The following COLGALT2 variants were observed in gnomAD, a reference collection of about 807,000 sequenced individuals.
The protein encoded by COLGALT2 is procollagen galactosyltransferase 2.
COLGALT2 carries 49 observed loss-of-function variants against 73.4 expected under a neutral mutation model. That is an observed-to-expected ratio of 0.67 (90% CI 0.53 to 0.85). COLGALT2 has a LOEUF of 0.85. Ranked by LOEUF, COLGALT2 falls within the 40% of genes least tolerant of loss-of-function variation. COLGALT2 has a pLI of 0.00. For missense variants in COLGALT2, 722 were observed against 790.2 expected (o/e 0.91, Z 1.03); for synonymous variants, 295 against 307.6 (o/e 0.96, Z 0.43).
At chr1:184,012,963 G>A (rs1168337966) in intron 1 of COLGALT2, among the ~76,000 whole-genome samples, 7 of 152,224 alleles carry the variant, frequency 4.6e-5, no homozygotes. Flanking sequence ...GGGCCCTCAA[G>A]AAGCTGAGCC....
chr1:183,956,265 G>A (rs1022859028), intron 6 of COLGALT2, among the ~76,000 whole-genome samples: 8 of 152,210 alleles, frequency 5.3e-5, no homozygotes, highest in African/African-American at 1.9e-4. Flanking sequence ...GGCGAATGAT[G>A]TGAAATTCTA....
chr1:183,936,557 C>CA lies in COLGALT2; in HGVS notation c.*2203dup. 9.1e-7 allele frequency: 1 copy of CA among 1,104,396 alleles called. No individual in the cohort carries two copies. The highest frequency in any genetic ancestry group is 5.2e-5 in the East Asian group (1 of 19,154). The allele number at this position is 1,104,396 out of a possible 1,614,324, so 68.4% of individuals were successfully genotyped here. A position where few individuals can be genotyped will look rare whatever the true frequency, so the allele number is the denominator to read the frequency against. ...AAATTCTCTATTAAACAAAACACCACAAAAATCAACCCAAACTTCCTTCAA... is the reference window on the plus strand; with the variant it reads ...AAATTCTCTATTAAACAAAACACCACAAAAAATCAACCCAAACTTCCTTCAA... On this transcript the variant is annotated 3_prime_UTR_variant, in exon 12 of 12. Coordinates refer to ENST00000361927, the MANE Select transcript of COLGALT2 (RefSeq NM_015101.4).
At chr1:184,034,020 C>T (rs1221442551) in intron 1 of COLGALT2, among the ~76,000 whole-genome samples, 1 of 152,172 alleles carries the variant, frequency 6.6e-6, no homozygotes, top group Non-Finnish European at 1.5e-5. Flanking sequence ...TTGCATAGAG[C>T]TTGGGAATGA....
rs115114026 is a variant in COLGALT2, at chr1:183,981,364, A to G, written c.264-2844T>C. 9.9e-3 allele frequency among the ~76,000 whole-genome samples: 1,505 copies of G among 152,276 alleles called. 24 individuals carry two copies. Among genetic ancestry groups the G allele is most frequent in the African/African-American group, 0.034 (1,417 of 41,540 alleles). ...TTTAAAATAAATTGAAAGTAAATAT[A>G]AATAAAGGCCAAGTGCGGTGGCTCA... On this transcript the variant is annotated intron_variant, in intron 1 of 11. Coordinates refer to ENST00000361927, the MANE Select transcript of COLGALT2 (RefSeq NM_015101.4).
At chr1:183,979,721 C>T (rs1671297878) in intron 1 of COLGALT2, among the ~76,000 whole-genome samples, 1 of 151,890 alleles carries the variant, frequency 6.6e-6, no homozygotes, top group African/African-American at 2.4e-5. Context: ...TAAAGAAAAA[C>T]AGAAATAACA....
intron 1 of COLGALT2, among the ~76,000 whole-genome samples, chr1:184,024,895 G>A (rs747301778): frequency 5.9e-5 from 9 of 152,240 alleles, no homozygotes; most frequent in Non-Finnish European, 1.0e-4. Flanking sequence ...ATGAGGTCTT[G>A]GGCCTCACAA....
chr1:184,016,189 A>T (rs900800247), intron 1 of COLGALT2, among the ~76,000 whole-genome samples: 3 of 152,228 alleles, frequency 2.0e-5, no homozygotes, highest in Non-Finnish European at 4.4e-5. Context: ...ATCAGTCACT[A>T]AAATTTTTAT....
intron 1 of COLGALT2, among the ~76,000 whole-genome samples, chr1:183,989,393 G>C (rs529508263): frequency 1.3e-5 from 2 of 152,294 alleles, no homozygotes; most frequent in South Asian, 4.2e-4. Flanking sequence ...GGTCATGGGG[G>C]AACTGGAGCC....
At chr1:184,032,048 C>T (rs1482230366) in intron 1 of COLGALT2, among the ~76,000 whole-genome samples, 2 of 152,092 alleles carry the variant, frequency 1.3e-5, no homozygotes, top group East Asian at 1.9e-4. Context: ...TGCATGCCAT[C>T]GTGCCTGGAT....
In COLGALT2 at chr1:183,937,015, C is replaced by T. The variant is rs1669973401; in HGVS notation, c.*1746G>A. On this transcript the variant is annotated 3_prime_UTR_variant, in exon 12 of 12. Transcript: ENST00000361927. Reference sequence around the variant, plus strand: ...CAGCTTGGTGATCACTTTCTCTAGACTCTGAGCCATGCTGTTCAACCTTAA... The same window carrying T: ...CAGCTTGGTGATCACTTTCTCTAGATTCTGAGCCATGCTGTTCAACCTTAA... 1.6e-6 allele frequency: 2 copies of T among 1,231,762 alleles called. No homozygotes were observed. The highest frequency in any genetic ancestry group is 3.1e-4 in the Middle Eastern group (1 of 3,208). The allele number at this position is 1,231,762 out of a possible 1,614,324, so 76.3% of individuals were successfully genotyped here. A position where few individuals can be genotyped will look rare whatever the true frequency, so the allele number is the denominator to read the frequency against.
At chr1:183,991,347 A>AT (rs1472294254) in intron 1 of COLGALT2, among the ~76,000 whole-genome samples, 1 of 152,202 alleles carries the variant, frequency 6.6e-6, no homozygotes, top group Non-Finnish European at 1.5e-5. Flanking sequence ...AATCATTTTG[A>AT]TTTTTTTAAA....
intron 3 of COLGALT2, among the ~76,000 whole-genome samples, chr1:183,974,072 T>C (rs924263208): frequency 6.6e-5 from 10 of 152,208 alleles, no homozygotes; most frequent in Non-Finnish European, 1.5e-4. Context: ...TCCCAAGCCA[T>C]TAAAGGTTCA....
In COLGALT2 at chr1:183,969,263, CA is replaced by C; in HGVS notation, c.832+5del. The C allele has an allele frequency of 6.2e-7, 1 of 1,603,004 alleles. No individual in the cohort carries two copies. The highest frequency in any genetic ancestry group is 8.5e-7 in the Non-Finnish European group (1 of 1,174,256). The stretch of plus-strand genomic sequence containing the variant: ...TTGTGGCACTACAACCAAAGACAAA[CA>C]GTACCTGCTTGCCTGCTGGAGAAGG... On this transcript the variant is annotated splice_donor_5th_base_variant and intron_variant, in intron 5 of 11. Transcript: ENST00000361927.
At chr1:184,003,895 A>G (rs1325275185) in intron 1 of COLGALT2, among the ~76,000 whole-genome samples, 4 of 152,194 alleles carry the variant, frequency 2.6e-5, no homozygotes, top group Non-Finnish European at 5.9e-5. Context: ...CCCACTGAGC[A>G]CATGTGAAAA....
At chr1:184,029,672 A>G (rs1649447619) in intron 1 of COLGALT2, among the ~76,000 whole-genome samples, 1 of 152,220 alleles carries the variant, frequency 6.6e-6, no homozygotes, top group Non-Finnish European at 1.5e-5. Flanking sequence ...TGATATATGA[A>G]CTTTTGGATA....
Position 183,973,728 on chromosome 1 carries a change from A to G in COLGALT2, c.515T>C (p.Leu172Pro). 1 of 1,613,886 alleles carries G rather than the reference A, an allele frequency of 6.2e-7. No homozygotes were observed. Among genetic ancestry groups the G allele is most frequent in the Non-Finnish European group, 8.5e-7 (1 of 1,179,852 alleles). ...TAGATTGAGGGTCTGTGGATTAGTC[A>G]GGAAATTGTCAACATCTATGAACTA... is the stretch of plus-strand genomic sequence containing the variant. ...YILFIDVDNF[L>P]TNPQTLNLLI... Residue 172 changes from leucine to proline, a missense_variant, in exon 4 of 12, where the codon CTG becomes CCG. Transcript: ENST00000361927.
At chr1:183,996,800 A>G (rs1374025840) in intron 1 of COLGALT2, among the ~76,000 whole-genome samples, 10 of 152,258 alleles carry the variant, frequency 6.6e-5, no homozygotes, top group Admixed American at 6.5e-4. Context: ...AGACTCTAAG[A>G]AAGTAAATAC....
At chr1:183,931,511 G>GGGGT (rs2102780219), downstream of COLGALT2, among the ~76,000 whole-genome samples, 1 of 152,248 alleles carries the variant, frequency 6.6e-6, no homozygotes, top group South Asian at 2.1e-4. Context: ...GTGTTCCCCG[G>GGGGT]GGGTGCCTGC....
At chr1:183,963,325 A>AC (rs949128923) in intron 6 of COLGALT2, among the ~76,000 whole-genome samples, 14 of 151,920 alleles carry the variant, frequency 9.2e-5, no homozygotes, top group Admixed American at 4.6e-4. Flanking sequence ...CATAATAAAA[A>AC]CCCTTCATTG....
Sources: gnomAD v4.1 joint callset for allele counts (sites outside exome capture counted in the v4.1 genomes callset) on GRCh38, gnomAD v4.1.1 for gene constraint, MANE v1.5 for transcripts, NCBI Gene and HGNC (gene_info 2026-07-23, HGNC 2026-07-21) for gene names.